Variants in MID2 observed in about 807,000 individuals in gnomAD.
MID2 encodes probable E3 ubiquitin-protein ligase MID2.
MID2 carries 13 observed loss-of-function variants against 46.1 expected under a neutral mutation model. The ratio of observed to expected loss-of-function variants is 0.28; its 90% CI spans 0.18 to 0.45. MID2 has a LOEUF of 0.45. Among genes scored for constraint, MID2 ranks in the 20% least tolerant of loss-of-function variants. The pLI, the probability that MID2 is intolerant of heterozygous loss-of-function variation, is 1.00. For synonymous variants in MID2, 199 were observed against 212.3 expected (o/e 0.94, Z 0.55); for missense variants, 431 against 575.4 (o/e 0.75, Z 2.57).
intron 3 of MID2, among the ~76,000 whole-genome samples, chrX:107,860,606 CG>C (rs772855994): frequency 8.9e-6 from 1 of 112,208 alleles, no homozygotes; most frequent in Non-Finnish European, 1.9e-5. Flanking sequence ...AATAGAAAGA[CG>C]GTGTTGCTTT....
chrX:107,924,162 A>G (rs1933124876), intron 7 of MID2, among the ~76,000 whole-genome samples, 181 bp from the exon 8 acceptor site: 1 of 112,678 alleles, frequency 8.9e-6, no homozygotes, highest in Non-Finnish European at 1.9e-5. Context: ...GCCTAGTTCT[A>G]TGGGAGTAAT....
intron 3 of MID2, among the ~76,000 whole-genome samples, chrX:107,888,015 TTTC>T (rs1483463830): frequency 8.9e-6 from 1 of 111,987 alleles, no homozygotes; most frequent in African/African-American, 3.3e-5. Context: ...TCTTCTCTCT[TTTC>T]TTCTTTATTA....
chrX:107,862,376 A>G (rs147558772), intron 3 of MID2, among the ~76,000 whole-genome samples: 1 of 111,830 alleles, frequency 8.9e-6, no homozygotes, highest in East Asian at 2.8e-4. Context: ...CAAATTTTAC[A>G]TATATCAACT....
chrX:107,924,487 C>T lies in MID2; in HGVS notation c.1580C>T (p.Thr527Ile), dbSNP rs1325338597. The part of the protein sequence containing the change: ...NQAGSRNSEP[T>I]RLKTNSQPFK... ...GCCGGCAGCCGGAACAGTGAACCTA[C>T]CCGACTAAAAACAAACAGTACGTTG... The change falls in exon 8 of 10, where the codon ACC (threonine) becomes ATC (isoleucine). Residue 527 changes from threonine (T) to isoleucine (I), a missense_variant. Transcript: ENST00000262843. 2 of 1,209,815 alleles carry T rather than the reference C, an allele frequency of 1.7e-6. No individual in the cohort carries two copies. Among genetic ancestry groups the T allele is most frequent in the Non-Finnish European group, 2.2e-6 (2 of 894,948 alleles).
intron 5 of MID2, among the ~76,000 whole-genome samples, chrX:107,911,860 T>C (rs994851313): frequency 8.9e-6 from 1 of 111,759 alleles, no homozygotes; most frequent in Non-Finnish European, 1.9e-5. Flanking sequence ...ATCTCCTGCT[T>C]TTGATTGGAG....
At position 107,916,062 on chromosome X, in the gene MID2, C is replaced by T. The variant is rs199506343; in HGVS notation, c.1134C>T (p.Ala378=). 8.3e-7 allele frequency: 1 copy of T among 1,199,876 alleles called. No homozygotes were observed. The highest frequency in any genetic ancestry group is 3.0e-5 in the East Asian group (1 of 33,495). Residue 378 remains alanine, a synonymous_variant, in exon 6 of 10, where the codon GCC becomes GCT. Transcript: ENST00000262843. ...TTCCAGACATCAATTTTAATGATGC[C>T]TTTGAAAACTTTGCTTTAGATTTTT... ...VLIPDINFND[A]FENFALDFSR...
chrX:107,883,002 C>T (rs1050140716), intron 3 of MID2, among the ~76,000 whole-genome samples: 5 of 111,742 alleles, frequency 4.5e-5, no homozygotes, highest in Admixed American at 3.8e-4. Context: ...ACATATACAC[C>T]GTGGAATACT....
chrX:107,885,118 T>G (rs1251814246), intron 3 of MID2, among the ~76,000 whole-genome samples: 1 of 110,177 alleles, frequency 9.1e-6, no homozygotes, highest in Admixed American at 9.7e-5. Flanking sequence ...TATTTATTTA[T>G]TTATTTATTT....
chrX:107,923,982 A>C (rs902552220), intron 7 of MID2, among the ~76,000 whole-genome samples: 3 of 112,128 alleles, frequency 2.7e-5, no homozygotes, highest in Non-Finnish European at 5.6e-5. Flanking sequence ...GACCAAACTC[A>C]GCTCTCAGAG....
intron 3 of MID2, among the ~76,000 whole-genome samples, chrX:107,869,863 C>A (rs1213584391): frequency 1.8e-5 from 2 of 110,005 alleles, no homozygotes; most frequent in East Asian, 5.6e-4. Context: ...TCGGGTTTAT[C>A]TGAGGCACTT....
chrX:107,903,325 G>T (rs1602497317), intron 3 of MID2, among the ~76,000 whole-genome samples: 1 of 99,987 alleles, frequency 1.0e-5, no homozygotes, highest in Admixed American at 1.1e-4. Context: ...CAGAATGGTA[G>T]TTTTTTTTTT....
chrX:107,903,982 A>G lies in MID2; in HGVS notation c.841A>G (p.Lys281Glu). ...GGTGAATACTGCTATGCATGAGGCAAAACTTATGGAAGAATGTGACGAGTT... is the reference window on the plus strand; with the variant it reads ...GGTGAATACTGCTATGCATGAGGCAGAACTTATGGAAGAATGTGACGAGTT... ...VEVNTAMHEA[K>E]LMEECDELVE... The change falls in exon 4 of 10, where the codon AAA (lysine) becomes GAA (glutamate). Residue 281 changes from lysine (K) to glutamate (E), a missense_variant. Lys to Glu is a moderately conservative substitution (Grantham distance 56). Transcript: ENST00000262843. 8.3e-7 allele frequency: 1 copy of G among 1,209,024 alleles called. No homozygotes were observed. The highest frequency in any genetic ancestry group is 1.1e-6 in the Non-Finnish European group (1 of 893,018).
At chrX:107,881,829 A>G (rs1301255946) in intron 3 of MID2, among the ~76,000 whole-genome samples, 1 of 112,693 alleles carries the variant, frequency 8.9e-6, no homozygotes, top group Non-Finnish European at 1.9e-5. Flanking sequence ...TAGAACAAGC[A>G]TTAGATGAAT....
intron 3 of MID2, among the ~76,000 whole-genome samples, chrX:107,884,187 T>C (rs777759647): frequency 3.9e-4 from 43 of 111,662 alleles, no homozygotes; most frequent in Non-Finnish European, 7.2e-4. Context: ...CTCTCAAGAG[T>C]TGAAATGCCA....
At chrX:107,836,003 T>C (rs1240174610) in intron 1 of MID2, among the ~76,000 whole-genome samples, 1 of 112,110 alleles carries the variant, frequency 8.9e-6, no homozygotes, top group Non-Finnish European at 1.9e-5. Flanking sequence ...GCTCTTACAT[T>C]TAGATCATTG....
At chrX:107,869,119 T>C (rs1031823714) in intron 3 of MID2, among the ~76,000 whole-genome samples, 1 of 111,400 alleles carries the variant, frequency 9.0e-6, no homozygotes. Flanking sequence ...ATTTTAAGTC[T>C]TTAATGTACC....
intron 5 of MID2, among the ~76,000 whole-genome samples, chrX:107,908,982 G>A (rs1047181831): frequency 9.0e-6 from 1 of 111,646 alleles, no homozygotes; most frequent in Admixed American, 9.4e-5. Flanking sequence ...ATCTGGGTCC[G>A]TTTCAATTGG....
chrX:107,921,310 A>G (rs1933066740), intron 7 of MID2, among the ~76,000 whole-genome samples: 1 of 111,221 alleles, frequency 9.0e-6, no homozygotes, highest in Non-Finnish European at 1.9e-5. Context: ...GTTCTTTCTT[A>G]GGGTATAATA....
At chrX:107,851,770 C>T (rs1417840972) in intron 2 of MID2, among the ~76,000 whole-genome samples, 2 of 111,505 alleles carry the variant, frequency 1.8e-5, no homozygotes, top group African/African-American at 6.5e-5. Context: ...CAGCTGCGTC[C>T]CCCACTACTC....
Sources: gnomAD v4.1 joint callset for allele counts (sites outside exome capture counted in the v4.1 genomes callset) on GRCh38, gnomAD v4.1.1 for gene constraint, MANE v1.5 for transcripts, NCBI Gene and HGNC (gene_info 2026-07-23, HGNC 2026-07-21) for gene names.